Variants in MAF observed in about 807,000 individuals in gnomAD.
MAF encodes the protein transcription factor Maf.
A neutral mutation model predicts 22.0 loss-of-function variants in MAF; 10 were observed. The ratio of observed to expected loss-of-function variants is 0.45; its 90% confidence interval spans 0.28 to 0.77. MAF has a LOEUF of 0.77. Ranked by LOEUF, MAF falls within the 30% of genes least tolerant of loss-of-function variation. MAF has a pLI of 0.12. For missense variants in MAF, 544 were observed against 548.4 expected (o/e 0.99, Z 0.08); for synonymous variants, 337 against 255.8 (o/e 1.32, Z -3.03).
chr16:79,503,466 T>G, the MAF span, among the ~76,000 whole-genome samples: 1 of 152,214 alleles, frequency 6.6e-6, no homozygotes, highest in African/African-American at 2.4e-5. Context: ...ACTGAGAACT[T>G]AAGCCACTAT....
the MAF span, among the ~76,000 whole-genome samples, chr16:79,505,992 G>A: frequency 3.0e-4 from 46 of 151,996 alleles, no homozygotes; most frequent in South Asian, 5.2e-3. Context: ...AAGAAGGGAA[G>A]GGGAAAGGAG....
chr16:79,334,458 C>T, the MAF span, among the ~76,000 whole-genome samples: 5 of 152,052 alleles, frequency 3.3e-5, no homozygotes, highest in Non-Finnish European at 5.9e-5. Context: ...GCCCGAGGGA[C>T]CTTTCTGGGA....
At chr16:79,321,716 T>A in the MAF span, among the ~76,000 whole-genome samples, 1 of 142,086 alleles carries the variant, frequency 7.0e-6, no homozygotes, top group Non-Finnish European at 1.5e-5. Context: ...AGTGGCACAA[T>A]CTCAGCTCAC....
the MAF span, among the ~76,000 whole-genome samples, chr16:79,273,436 T>G: frequency 6.6e-6 from 1 of 152,210 alleles, no homozygotes; most frequent in Admixed American, 6.5e-5. Context: ...TACCACAAAC[T>G]TGGTGGCTTA....
At chr16:79,587,417 C>T (rs569688720) in intron 1 of MAF, among the ~76,000 whole-genome samples, 2 of 148,502 alleles carry the variant, frequency 1.3e-5, no homozygotes, top group African/African-American at 4.9e-5. Context: ...AAAACTTCCC[C>T]GATAGGATTA....
chr16:79,286,956 A>G, the MAF span, among the ~76,000 whole-genome samples: 2 of 152,146 alleles, frequency 1.3e-5, no homozygotes, highest in African/African-American at 4.8e-5. Context: ...ACCAAAAAAC[A>G]AACAGACAAA....
chr16:79,322,130 G>A, the MAF span, among the ~76,000 whole-genome samples: 1 of 152,104 alleles, frequency 6.6e-6, no homozygotes, highest in African/African-American at 2.4e-5. Flanking sequence ...TACTCAGGAG[G>A]CTGAGGTAGG....
chr16:79,595,583 A>G lies in MAF; in HGVS notation c.1119-1030T>C, dbSNP rs1913469837. ...TTAGTTTCATGAATTTGTGTCATTT[A>G]AAAATAGGTCAGCGCTTAGGAGTCC... is the stretch of plus-strand genomic sequence containing the variant. On this transcript the variant is annotated intron_variant, in intron 1 of 1. Coordinates refer to ENST00000326043, the MANE Select transcript of MAF (RefSeq NM_005360.5). 7.6e-6 allele frequency: 8 copies of G among 1,059,532 alleles called. No individual in the cohort carries two copies. In the South Asian group the frequency reaches 3.2e-4, roughly 42 times the overall value. 65.6% of individuals were successfully genotyped at this position (1,059,532 alleles called of 1,614,324 possible). A position where few individuals can be genotyped will look rare whatever the true frequency, so the allele number is the denominator to read the frequency against.
the MAF span, among the ~76,000 whole-genome samples, chr16:79,579,015 G>T: frequency 4.9e-4 from 74 of 152,152 alleles, no homozygotes; most frequent in East Asian, 0.012. Context: ...TTACCTTTGG[G>T]TTAGCAAACC....
the MAF span, among the ~76,000 whole-genome samples, chr16:79,366,246 A>G: frequency 1.3e-5 from 2 of 152,210 alleles, no homozygotes; most frequent in African/African-American, 2.4e-5. Flanking sequence ...ACAAGATTCA[A>G]CCTTTAAAAC....
the MAF span, among the ~76,000 whole-genome samples, chr16:79,469,536 T>C: frequency 6.6e-6 from 1 of 152,186 alleles, no homozygotes; most frequent in Non-Finnish European, 1.5e-5. Flanking sequence ...ACTGAAAAAA[T>C]GGTCATTGCA....
the MAF span, among the ~76,000 whole-genome samples, chr16:79,474,952 C>A: frequency 2.0e-5 from 3 of 152,224 alleles, no homozygotes; most frequent in East Asian, 1.9e-4. Context: ...ATTAATCCAA[C>A]AGAGATCAAA....
chr16:79,222,642 CAG>C, the MAF span, among the ~76,000 whole-genome samples: 3 of 152,002 alleles, frequency 2.0e-5, no homozygotes, highest in South Asian at 4.1e-4. Context: ...ATCTCACGTG[CAG>C]AGACACAAAT....
chr16:79,400,720 T>C, the MAF span, among the ~76,000 whole-genome samples: 2 of 152,254 alleles, frequency 1.3e-5, no homozygotes, highest in Non-Finnish European at 2.9e-5. Context: ...GCAAGGCGAT[T>C]TGATAGAGAC....
At chr16:79,207,624 T>A in the MAF span, among the ~76,000 whole-genome samples, 3 of 152,222 alleles carry the variant, frequency 2.0e-5, no homozygotes, top group Admixed American at 6.5e-5. Context: ...TTTTTATATA[T>A]CTCATAGTTA....
chr16:79,264,761 T>G, the MAF span, among the ~76,000 whole-genome samples: 2 of 152,178 alleles, frequency 1.3e-5, no homozygotes, highest in Admixed American at 1.3e-4. Context: ...GGAAACTTAC[T>G]CAGCAGCCCA....
the MAF span, among the ~76,000 whole-genome samples, chr16:79,483,911 G>A: frequency 6.6e-6 from 1 of 152,214 alleles, no homozygotes; most frequent in East Asian, 1.9e-4. Flanking sequence ...GCTGGCTCCT[G>A]AGAGGCAAGG....
downstream of MAF, among the ~76,000 whole-genome samples, chr16:79,593,030 T>C (rs1224379052): frequency 1.3e-5 from 2 of 152,196 alleles, no homozygotes; most frequent in Non-Finnish European, 2.9e-5. Context: ...TGTACTCCTG[T>C]ATTTTAGTCT....
At chr16:79,495,180 G>T in the MAF span, among the ~76,000 whole-genome samples, 3 of 152,160 alleles carry the variant, frequency 2.0e-5, no homozygotes, top group African/African-American at 7.2e-5. Flanking sequence ...CAAAAGATGT[G>T]GCCAAACTCG....
Sources: gnomAD v4.1 joint callset for allele counts (sites outside exome capture counted in the v4.1 genomes callset) on GRCh38, gnomAD v4.1.1 for gene constraint, MANE v1.5 for transcripts, NCBI Gene and HGNC (gene_info 2026-07-23, HGNC 2026-07-21) for gene names.